Variants in PDE4B observed in about 807,000 individuals in gnomAD.
PDE4B encodes the protein 3',5'-cyclic-AMP phosphodiesterase 4B.
PDE4B carries 20 observed loss-of-function variants against 82.2 expected under a neutral mutation model. The ratio of observed to expected loss-of-function variants is 0.24; its 90% CI spans 0.17 to 0.35. The LOEUF (loss-of-function observed/expected upper bound fraction) is 0.35, where lower values mean the gene tolerates loss of function less well. Among genes scored for constraint, PDE4B ranks in the 10% least tolerant of loss-of-function variants. PDE4B has a pLI of 1.00. For missense variants in PDE4B, 655 were observed against 907.2 expected (o/e 0.72, Z 3.57); for synonymous variants, 320 against 318.9 (o/e 1.00, Z -0.04).
chr1:66,104,095 C>A lies in PDE4B; in HGVS notation c.282-143365C>A, dbSNP rs9726424. Among the ~76,000 whole-genome samples, 122 of 125,060 alleles carry A rather than the reference C, an allele frequency of 9.8e-4. 2 individuals are homozygous for A. The highest frequency in any genetic ancestry group is 6.6e-5 in the Non-Finnish European group (4 of 60,780). 82.0% of individuals were successfully genotyped at this position (125,060 alleles called of 152,430 possible). A position where few individuals can be genotyped will look rare whatever the true frequency, so the allele number is the denominator to read the frequency against. On this transcript the variant is annotated intron_variant, in intron 3 of 16. Transcript: ENST00000341517. ...TAAAGCTATCCCTCCTCCCTCCCCC[C>A]ACCCTCCAACAGTCCCCAGAGTGTG...
At chr1:65,805,891 C>T (rs1018057680) in intron 1 of PDE4B, among the ~76,000 whole-genome samples, 2 of 152,144 alleles carry the variant, frequency 1.3e-5, no homozygotes, top group African/African-American at 4.8e-5. Context: ...TTAACATCAT[C>T]TCATTCTCCT....
intron 3 of PDE4B, among the ~76,000 whole-genome samples, chr1:66,229,637 G>A (rs1651786839): frequency 6.6e-6 from 1 of 152,082 alleles, no homozygotes; most frequent in African/African-American, 2.4e-5. Flanking sequence ...TACAGATTTT[G>A]AGGAATTACA....
chr1:66,285,462 T>A (rs1056910577), intron 7 of PDE4B, among the ~76,000 whole-genome samples: 1 of 152,124 alleles, frequency 6.6e-6, no homozygotes, highest in Non-Finnish European at 1.5e-5. Context: ...GTGAACATTG[T>A]ACCCATTAAG....
At chr1:66,366,798 A>G (rs771945435) in intron 13 of PDE4B, among the ~76,000 whole-genome samples, 1 of 152,230 alleles carries the variant, frequency 6.6e-6, no homozygotes, top group Non-Finnish European at 1.5e-5. Context: ...TGCAACATAT[A>G]AAGCCTGCTT....
chr1:65,815,899 G>C (rs1227600979), intron 1 of PDE4B, among the ~76,000 whole-genome samples: 1 of 152,110 alleles, frequency 6.6e-6, no homozygotes, highest in Non-Finnish European at 1.5e-5. Flanking sequence ...TACATAAAAG[G>C]ACTTCAGCTA....
At chr1:66,204,738 C>T (rs1050360919) in intron 3 of PDE4B, among the ~76,000 whole-genome samples, 24 of 152,184 alleles carry the variant, frequency 1.6e-4, no homozygotes, top group Admixed American at 4.6e-4. Context: ...TTTCCAGGTG[C>T]CATCTGTCAA....
chr1:66,076,115 A>C (rs1278956300), intron 3 of PDE4B, among the ~76,000 whole-genome samples: 1 of 151,916 alleles, frequency 6.6e-6, no homozygotes, highest in Non-Finnish European at 1.5e-5. Context: ...GGTTTGGAGT[A>C]TGAATGAATC....
intron 3 of PDE4B, among the ~76,000 whole-genome samples, chr1:66,207,891 C>T (rs573847734): frequency 2.0e-5 from 3 of 152,216 alleles, no homozygotes; most frequent in East Asian, 1.9e-4. Flanking sequence ...CAGAAAGAAC[C>T]GTAAGGTTTG....
intron 3 of PDE4B, chr1:66,042,393 A>G (rs1338482995): frequency 1.3e-5 from 2 of 151,856 alleles, no homozygotes; most frequent in African/African-American, 4.8e-5. Flanking sequence ...AAGGTCCAAT[A>G]TATCTTAATA....
intron 3 of PDE4B, among the ~76,000 whole-genome samples, chr1:66,147,982 A>G (rs1346666871): frequency 6.6e-6 from 1 of 152,134 alleles, no homozygotes; most frequent in Non-Finnish European, 1.5e-5. Context: ...AAAAGAATAC[A>G]TTCTTGGGCC....
intron 3 of PDE4B, among the ~76,000 whole-genome samples, chr1:66,116,356 A>C (rs1172799953): frequency 6.6e-6 from 1 of 152,144 alleles, no homozygotes; most frequent in African/African-American, 2.4e-5. Context: ...GCTTTAGCAT[A>C]ATGAGACAGA....
intron 8 of PDE4B, among the ~76,000 whole-genome samples, chr1:66,353,979 G>A (rs1257710937): frequency 6.6e-6 from 1 of 151,986 alleles, no homozygotes; most frequent in East Asian, 1.9e-4. Context: ...CTGATGGAGG[G>A]CAGAAACTTA....
chr1:66,075,654 C>T (rs1320154213), intron 3 of PDE4B, among the ~76,000 whole-genome samples: 2 of 151,994 alleles, frequency 1.3e-5, no homozygotes, highest in African/African-American at 4.8e-5. Context: ...ACATATCATT[C>T]CCATTTCACA....
intron 3 of PDE4B, among the ~76,000 whole-genome samples, chr1:66,148,256 T>C (rs1379390170): frequency 6.6e-6 from 1 of 151,998 alleles, no homozygotes. Context: ...TGTGATAGAG[T>C]GAGATGCTGT....
At chr1:66,030,537 A>G (rs984271277) in intron 3 of PDE4B, among the ~76,000 whole-genome samples, 4 of 152,086 alleles carry the variant, frequency 2.6e-5, no homozygotes, top group Admixed American at 1.3e-4. Flanking sequence ...TCAATTTGTG[A>G]ACTTTTTATT....
chr1:65,947,524 A>G (rs1648775297), intron 3 of PDE4B, among the ~76,000 whole-genome samples: 1 of 152,058 alleles, frequency 6.6e-6, no homozygotes, highest in East Asian at 1.9e-4. Flanking sequence ...ATCCCCTGGT[A>G]TCTATGAATG....
intron 9 of PDE4B, among the ~76,000 whole-genome samples, chr1:66,356,434 A>T (rs945825500): frequency 8.5e-5 from 13 of 152,250 alleles, no homozygotes; most frequent in Admixed American, 3.9e-4. Flanking sequence ...AGAATCTGCA[A>T]ATCTGTACAT....
At chr1:65,842,899 G>A (rs185955395) in intron 1 of PDE4B, among the ~76,000 whole-genome samples, 113 of 152,280 alleles carry the variant, frequency 7.4e-4, no homozygotes, top group Non-Finnish European at 1.4e-3. Flanking sequence ...AATGGGTGGC[G>A]TCTAGGAGGA....
intron 3 of PDE4B, among the ~76,000 whole-genome samples, chr1:65,999,836 T>A (rs1651765115): frequency 6.6e-6 from 1 of 152,174 alleles, no homozygotes; most frequent in Admixed American, 6.6e-5. Context: ...TCCTGCTCTT[T>A]ATTCTATGAG....
Sources: gnomAD v4.1 joint callset for allele counts (sites outside exome capture counted in the v4.1 genomes callset) on GRCh38, gnomAD v4.1.1 for gene constraint, MANE v1.5 for transcripts, NCBI Gene and HGNC (gene_info 2026-07-23, HGNC 2026-07-21) for gene names.